The following THSD4 variants were observed in gnomAD, a reference collection of about 807,000 sequenced individuals.
The protein encoded by THSD4 is thrombospondin type 1 domain containing 4, also known as thrombospondin type-1 domain-containing protein 4.
A neutral mutation model predicts 119.0 loss-of-function variants in THSD4; 69 were observed. The observed-to-expected ratio is 0.58, with a 90% CI of 0.48 to 0.71. THSD4 has a LOEUF of 0.71. Among genes scored for constraint, THSD4 ranks in the 30% least tolerant of loss-of-function variants. The pLI is 0.00. For synonymous variants in THSD4, 524 were observed against 540.4 expected, an observed-to-expected ratio of 0.97 and a Z score of 0.42; for missense variants, 1,393 against 1,391.1, an observed-to-expected ratio of 1.00 and a Z score of -0.02.
rs2053575116 is a variant in THSD4, at chr15:71,758,091, TGG to T, written c.2589+18_2589+19del. 6.5e-7 allele frequency: 1 copy of T among 1,547,048 alleles called. No individual in the cohort carries two copies. The highest frequency in any genetic ancestry group is 8.8e-7 in the Non-Finnish European group (1 of 1,142,762). ...CTGGAGTCAGGTGAGTGGCCAGAAC[TGG>T]GTATGTCTGCCTGTGTCAGGCAAAA... On this transcript the variant is annotated intron_variant, in intron 15 of 17. Transcript: ENST00000261862.
chr15:71,624,574 C>G (rs2140933565), intron 7 of THSD4, among the ~76,000 whole-genome samples: 1 of 152,236 alleles, frequency 6.6e-6, no homozygotes, highest in East Asian at 1.9e-4. Context: ...AATTGAAACC[C>G]TGTGTTTTGG....
chr15:71,558,805 A>T (rs886511426), intron 7 of THSD4, among the ~76,000 whole-genome samples: 2 of 152,028 alleles, frequency 1.3e-5, no homozygotes, highest in Non-Finnish European at 2.9e-5. Flanking sequence ...TTTCATTATG[A>T]TATTTTCTCT....
chr15:71,770,393 G>A (rs973092171), intron 16 of THSD4, among the ~76,000 whole-genome samples: 2 of 144,578 alleles, frequency 1.4e-5, no homozygotes, highest in Admixed American at 7.0e-5. Context: ...AGTGGCTCAC[G>A]CCTATAATCC....
chr15:71,732,544 C>T (rs1567125102), intron 10 of THSD4: 1 of 152,202 alleles, frequency 6.6e-6, no homozygotes, highest in African/African-American at 2.4e-5. Context: ...TTATAGCTCA[C>T]ACACATTGAG....
chr15:71,415,278 C>G (rs1487746061), intron 7 of THSD4, among the ~76,000 whole-genome samples: 3 of 152,228 alleles, frequency 2.0e-5, no homozygotes, highest in Non-Finnish European at 4.4e-5. Context: ...CACATCAAGC[C>G]AAGTAAAGGC....
At chr15:71,229,315 C>CATACAGAATGT (rs2044042874) in intron 4 of THSD4, among the ~76,000 whole-genome samples, 1 of 152,178 alleles carries the variant, frequency 6.6e-6, no homozygotes. Context: ...TAGCCATCTA[C>CATACAGAATGT]ATACAGAATG....
At chr15:71,122,812 G>A (rs938914820) in intron 1 of THSD4, among the ~76,000 whole-genome samples, 4 of 152,222 alleles carry the variant, frequency 2.6e-5, no homozygotes, top group South Asian at 2.1e-4. Flanking sequence ...CACTACCAAC[G>A]TGAATGTTCA....
intron 7 of THSD4, among the ~76,000 whole-genome samples, chr15:71,528,816 T>C (rs890918831): frequency 3.3e-5 from 5 of 152,156 alleles, no homozygotes; most frequent in African/African-American, 9.7e-5. Context: ...CTGTGGCAGG[T>C]GTTTAGGTTT....
intron 7 of THSD4, among the ~76,000 whole-genome samples, chr15:71,591,794 AAC>A (rs1010932358): frequency 2.1e-5 from 3 of 141,886 alleles, no homozygotes; most frequent in Non-Finnish European, 4.9e-5. Context: ...AAAACTGAGA[AAC>A]AAAAAAGTGG....
chr15:71,692,346 G>A (rs1004844118), intron 8 of THSD4, among the ~76,000 whole-genome samples: 1 of 152,206 alleles, frequency 6.6e-6, no homozygotes, highest in African/African-American at 2.4e-5. Flanking sequence ...CTCAAAACAC[G>A]AGAGGACTTT....
At chr15:71,575,605 C>T (rs1595897023) in intron 7 of THSD4, among the ~76,000 whole-genome samples, 2 of 152,104 alleles carry the variant, frequency 1.3e-5, no homozygotes, top group African/African-American at 4.8e-5. Flanking sequence ...AAATTCATAC[C>T]TGGAAACTGA....
At chr15:71,716,780 C>T (rs1198947802) in intron 8 of THSD4, among the ~76,000 whole-genome samples, 1 of 152,136 alleles carries the variant, frequency 6.6e-6, no homozygotes, top group East Asian at 1.9e-4. Flanking sequence ...CTTCTTGGGG[C>T]ATCCCCCCTT....
At chr15:71,472,577 C>T (rs1212246470) in intron 7 of THSD4, among the ~76,000 whole-genome samples, 1 of 152,174 alleles carries the variant, frequency 6.6e-6, no homozygotes, top group Non-Finnish European at 1.5e-5. Context: ...GGCTTGGCTT[C>T]TCTAACGGGC....
chr15:71,190,267 A>C (rs1178569357), intron 3 of THSD4, among the ~76,000 whole-genome samples: 1 of 152,224 alleles, frequency 6.6e-6, no homozygotes, highest in African/African-American at 2.4e-5. Flanking sequence ...TCAGTCATTG[A>C]AAAATTCTGT....
At chr15:71,684,200 A>G (rs554385302) in intron 8 of THSD4, among the ~76,000 whole-genome samples, 1 of 152,274 alleles carries the variant, frequency 6.6e-6, no homozygotes, top group African/African-American at 2.4e-5. Context: ...TATACAGAAA[A>G]GTTATGGGTT....
chr15:71,583,644 T>C (rs2049601674), intron 7 of THSD4, among the ~76,000 whole-genome samples: 1 of 152,166 alleles, frequency 6.6e-6, no homozygotes, highest in Non-Finnish European at 1.5e-5. Flanking sequence ...ATTTTCCCTT[T>C]CGATTTCTTC....
chr15:71,691,763 C>A (rs1315979680), intron 8 of THSD4, among the ~76,000 whole-genome samples: 2 of 152,092 alleles, frequency 1.3e-5, no homozygotes, highest in African/African-American at 4.8e-5. Context: ...ACATTCTCTC[C>A]CTTGTCTAGC....
At chr15:71,598,817 C>T (rs147928202) in intron 7 of THSD4, among the ~76,000 whole-genome samples, 42 of 152,138 alleles carry the variant, frequency 2.8e-4, no homozygotes, top group Middle Eastern at 6.8e-3. Flanking sequence ...AGGGTTTCGC[C>T]CTGTTGCCCA....
intron 7 of THSD4, among the ~76,000 whole-genome samples, chr15:71,468,068 C>T (rs911718351): frequency 1.8e-4 from 28 of 152,040 alleles, no homozygotes; most frequent in Admixed American, 1.3e-3. Context: ...AGGCTGGTCT[C>T]GAACTGCTGA....
Sources: gnomAD v4.1 joint callset for allele counts (sites outside exome capture counted in the v4.1 genomes callset) on GRCh38, gnomAD v4.1.1 for gene constraint, MANE v1.5 for transcripts, NCBI Gene and HGNC (gene_info 2026-07-23, HGNC 2026-07-21) for gene names.